The following TRMT6 variants were observed in gnomAD, a reference collection of about 807,000 sequenced individuals.
TRMT6 encodes tRNA methyltransferase 6 non-catalytic subunit, also known as tRNA (adenine(58)-N(1))-methyltransferase non-catalytic subunit TRM6.
Under a neutral mutation model 59.0 loss-of-function variants are expected in TRMT6, and 34 were observed. The ratio of observed to expected loss-of-function variants is 0.58; its 90% CI spans 0.44 to 0.77. The LOEUF (loss-of-function observed/expected upper bound fraction) is 0.77. Among genes scored for constraint, TRMT6 ranks in the 30% least tolerant of loss-of-function variants. The probability of loss-of-function intolerance (pLI) is 0.00; values close to 1 mark genes in which losing one functional copy is unlikely to be tolerated. For missense variants in TRMT6, 575 were observed against 604.5 expected (o/e 0.95, Z 0.51); for synonymous variants, 217 against 210.5 (o/e 1.03, Z -0.27).
In TRMT6 at chr20:5,938,534, G is replaced by C; in HGVS notation, c.*1C>G. ...AAAATTCAGAGCAATTCTCAAAAGG[G>C]TTAAGAGTCAGACTCTGGGCATTTT... On this transcript the variant is annotated 3_prime_UTR_variant, in exon 11 of 11. Coordinates refer to ENST00000203001, the MANE Select transcript of TRMT6 (RefSeq NM_015939.5). The C allele has an allele frequency of 1.2e-6, 2 of 1,613,276 alleles. No homozygotes were observed. Among genetic ancestry groups the C allele is most frequent in the South Asian group, 2.2e-5 (2 of 91,042 alleles).
At chr20:5,947,027 G>T (rs2088713606) in intron 1 of TRMT6, among the ~76,000 whole-genome samples, 1 of 152,134 alleles carries the variant, frequency 6.6e-6, no homozygotes. Flanking sequence ...ACTAACATCT[G>T]CTGAGTGCCA....
At position 5,943,554 on chromosome 20, in the gene TRMT6, C is replaced by T. The variant is rs1267405524; in HGVS notation, c.667+5G>A. On this transcript the variant is annotated splice_donor_5th_base_variant and intron_variant, in intron 6 of 10. Transcript: ENST00000203001. Reference sequence around the variant, plus strand: ...TTTGTTGAAAATGGAAATATTAAATCTTACCTCCCATTCGTTCCATCATTG... The same window carrying T: ...TTTGTTGAAAATGGAAATATTAAATTTTACCTCCCATTCGTTCCATCATTG... The T allele has an allele frequency of 6.2e-7, 1 of 1,613,728 alleles. No homozygotes were observed. The highest frequency in any genetic ancestry group is 8.5e-7 in the Non-Finnish European group (1 of 1,179,878).
rs1253238585 is a variant in TRMT6 at position 5,944,185 on chromosome 20, T to C, written c.435A>G (p.Lys145=). Residue 145 remains lysine (K), a synonymous_variant, in exon 4 of 11, where the codon AAA becomes AAG. Transcript: ENST00000203001. ...FRDKTEFAQD[K]YIKKKKKKYE... is the part of the protein sequence containing the mutation. ...ACTTTTTTTTCTTCTTTTTAATATATTTATCTTGGGCAAATTCTGTCTTGT... is the reference window on the plus strand; with the variant it reads ...ACTTTTTTTTCTTCTTTTTAATATACTTATCTTGGGCAAATTCTGTCTTGT... 1 of 1,557,704 alleles carries C rather than the reference T, an allele frequency of 6.4e-7. No homozygotes were observed. The highest frequency in any genetic ancestry group is 1.8e-5 in the Admixed American group (1 of 54,614).
chr20:5,950,445 C>T lies in TRMT6; in HGVS notation c.-40G>A. On this transcript the variant is annotated 5_prime_UTR_variant, in exon 1 of 11. Transcript: ENST00000203001. The stretch of plus-strand genomic sequence containing the variant: ...CGCCGTGCTCCACGGCGTCCCGCCC[C>T]TCCTCCTCGGTTGTCGCCACCGCCA... The T allele has an allele frequency of 1.3e-6, 2 of 1,548,026 alleles. No homozygotes were observed. The highest frequency in any genetic ancestry group is 1.7e-6 in the Non-Finnish European group (2 of 1,148,932).
intron 1 of TRMT6, among the ~76,000 whole-genome samples, chr20:5,949,288 G>T (rs2088748002): frequency 6.6e-6 from 1 of 152,120 alleles, no homozygotes; most frequent in Admixed American, 6.5e-5. Context: ...TTGAACCTCG[G>T]AGGCAGAGGC....
intron 1 of TRMT6, among the ~76,000 whole-genome samples, chr20:5,949,310 G>A (rs934647465): frequency 3.3e-4 from 50 of 152,098 alleles, no homozygotes; most frequent in African/African-American, 1.2e-3. Context: ...GCAATGAGCC[G>A]AGATTGCACT....
chr20:5,941,078 G>A lies in TRMT6; in HGVS notation c.1277C>T (p.Ser426Phe). 6.2e-7 allele frequency: 1 copy of A among 1,614,156 alleles called. No individual in the cohort carries two copies. The highest frequency in any genetic ancestry group is 8.5e-7 in the Non-Finnish European group (1 of 1,180,002). Reference sequence around the variant, plus strand: ...CTGATAATTTCTGAGCCAGGTTTCAGACAGCCTGAGGTTGATGACCCCTCC... The same window carrying A: ...CTGATAATTTCTGAGCCAGGTTTCAAACAGCCTGAGGTTGATGACCCCTCC... ...ERGGVINLRL[S>F]ETWLRNYQVL... The change falls in exon 10 of 11, where the codon TCT becomes TTT. Residue 426 changes from serine to phenylalanine, a missense_variant. Transcript: ENST00000203001.
chr20:5,939,640 A>G lies in TRMT6; in HGVS notation c.1303-914T>C, dbSNP rs536638412. ...ATATAGCTTTCTTTCTCCTGGCTTCAGGAAGCTTCATGGCCAATAATGGAG... is the reference window on the plus strand; with the variant it reads ...ATATAGCTTTCTTTCTCCTGGCTTCGGGAAGCTTCATGGCCAATAATGGAG... On this transcript the variant is annotated intron_variant, in intron 10 of 10. Transcript: ENST00000203001. 3.9e-5 allele frequency among the ~76,000 whole-genome samples: 6 copies of G among 152,226 alleles called. No individual in the cohort carries two copies. The East Asian group carries it at 1.2e-3, about 29-fold the overall frequency.
chr20:5,943,597 G>A lies in TRMT6; in HGVS notation c.629C>T (p.Ala210Val), dbSNP rs1004412843. Reference sequence around the variant, plus strand: ...CATCATTGCACCCAGCACCAAGCCTGCACACGTTTCCATCACAATCATTTT... The same window carrying A: ...CATCATTGCACCCAGCACCAAGCCTACACACGTTTCCATCACAATCATTTT... The part of the protein sequence containing the change: ...GNKMIVMETC[A>V]GLVLGAMMER... The change falls in exon 6 of 11, where the codon GCA becomes GTA. Residue 210 changes from alanine (A) to valine (V), a missense_variant. Ala to Val is a moderately conservative substitution (Grantham distance 64). Transcript: ENST00000203001. 1.1e-5 allele frequency: 18 copies of A among 1,614,062 alleles called. No homozygotes were observed. Among genetic ancestry groups the A allele is most frequent in the Middle Eastern group, 3.3e-4 (2 of 6,084 alleles).
chr20:5,942,911 G>A lies in TRMT6; in HGVS notation c.668-125C>T, dbSNP rs1035236869. On this transcript the variant is annotated intron_variant, in intron 6 of 10. Transcript: ENST00000203001. ...ATTAGTACTTTATTCAGAGGCTGAA[G>A]GATGGTGCAGCTCCTCAGGGAGTCT... is the stretch of plus-strand genomic sequence containing the variant. 3.5e-5 allele frequency: 26 copies of A among 738,386 alleles called. 1 individual carries two copies. Among genetic ancestry groups the A allele is most frequent in the African/African-American group, 3.0e-4 (17 of 57,098 alleles). The allele number at this position is 738,386 out of a possible 1,614,324, so 45.7% of individuals were successfully genotyped here.
Position 5,938,398 on chromosome 20 carries a change from C to T in TRMT6, c.*137G>A. The T allele has an allele frequency of 1.1e-6, 1 of 936,402 alleles. No individual in the cohort carries two copies. Among genetic ancestry groups the T allele is most frequent in the Non-Finnish European group, 1.6e-6 (1 of 622,866 alleles). The allele number at this position is 936,402 out of a possible 1,614,324, so 58.0% of individuals were successfully genotyped here. The stretch of plus-strand genomic sequence containing the variant: ...GTCAGAAATAGACAAAAGGCATATA[C>T]TCCTCCTTCCTAGAAACGGGTACAT... On this transcript the variant is annotated 3_prime_UTR_variant, in exon 11 of 11. Transcript: ENST00000203001.
chr20:5,944,988 C>T, intron 2 of TRMT6, 74 bp from the exon 3 acceptor site: 2 of 1,198,502 alleles, frequency 1.7e-6, no homozygotes, highest in South Asian at 1.3e-5. Flanking sequence ...GAGTTCATAT[C>T]CACATCCAGT....
Position 5,938,639 on chromosome 20 carries a change from G to A in TRMT6, c.1390C>T (p.Leu464Phe), listed in dbSNP as rs1440997757. The A allele has an allele frequency of 6.2e-7, 1 of 1,614,170 alleles. No homozygotes were observed. Residue 464 changes from leucine to phenylalanine, a missense_variant, in exon 11 of 11, where the codon CTT (leucine) becomes TTT (phenylalanine). Physicochemically the swap from Leu to Phe is conservative, Grantham distance 22. Coordinates refer to ENST00000203001, the MANE Select transcript of TRMT6 (RefSeq NM_015939.5). ...GATTTGAGGCTGGTGTCTGCTTTAAGGTTGTCCATGGCAACGGTGAAGCCG... is the reference window on the plus strand; with the variant it reads ...GATTTGAGGCTGGTGTCTGCTTTAAAGTTGTCCATGGCAACGGTGAAGCCG... ...LSGFTVAMDN[L>F]KADTSLKSNA...
chr20:5,942,400 G>A (rs760186812), intron 7 of TRMT6, 28 bp downstream of exon 7: 6 of 1,578,512 alleles, frequency 3.8e-6, no homozygotes, highest in Non-Finnish European at 5.2e-6. Context: ...GAGATTATGG[G>A]GGTGGTGGGG....
chr20:5,946,610 T>A, intron 1 of TRMT6, 77 bp from the exon 2 acceptor site: 2 of 1,424,828 alleles, frequency 1.4e-6, no homozygotes, highest in Non-Finnish European at 1.9e-6. Flanking sequence ...TACAGTTTAT[T>A]TCAAAAGTGG....
chr20:5,941,787 C>A, intron 8 of TRMT6, 164 bp downstream of exon 8: 1 of 660,054 alleles, frequency 1.5e-6, no homozygotes. Flanking sequence ...CAATTCCCCA[C>A]CCCTGCCAGC....
rs2088624403 is a variant in TRMT6 at position 5,938,268 on chromosome 20, A to T, written c.*267T>A. On this transcript the variant is annotated 3_prime_UTR_variant, in exon 11 of 11. Transcript: ENST00000203001. ...TTTTTAGGATGTTGAAGTTCTCAAG[A>T]TATTTGCACAGAATATTTAGAAGTA... is the stretch of plus-strand genomic sequence containing the variant. 1 of 337,158 alleles carries T rather than the reference A, an allele frequency of 3.0e-6. No individual in the cohort carries two copies. Among genetic ancestry groups the T allele is most frequent in the Non-Finnish European group, 5.4e-6 (1 of 186,536 alleles). The allele number at this position is 337,158 out of a possible 1,614,324, so 20.9% of individuals were successfully genotyped here.
chr20:5,943,439 C>T, intron 6 of TRMT6, 120 bp downstream of exon 6: 6 of 1,358,176 alleles, frequency 4.4e-6, no homozygotes, highest in Admixed American at 2.0e-5. Flanking sequence ...GCAGGTTCAC[C>T]CAAGTCACTT....
intron 1 of TRMT6, among the ~76,000 whole-genome samples, chr20:5,946,994 C>T (rs1045622650): frequency 6.6e-6 from 1 of 152,152 alleles, no homozygotes; most frequent in Non-Finnish European, 1.5e-5. Flanking sequence ...CACAGGAACA[C>T]AATGCTTTCT....
Sources: allele counts gnomAD v4.1 joint callset (sites outside exome capture counted in the v4.1 genomes callset), GRCh38; gene constraint gnomAD v4.1.1; transcripts MANE v1.5; gene names NCBI Gene and HGNC (gene_info 2026-07-23, HGNC 2026-07-21).